Variants in SORCS3 observed in about 807,000 individuals in gnomAD.
The protein encoded by SORCS3 is sortilin related VPS10 domain containing receptor 3, also known as VPS10 domain-containing receptor SorCS3.
SORCS3 carries 57 observed loss-of-function variants against 146.3 expected under a neutral mutation model. The ratio of observed to expected loss-of-function variants is 0.39; its 90% CI spans 0.31 to 0.49. The LOEUF (loss-of-function observed/expected upper bound fraction) is 0.49. Ranked by LOEUF, SORCS3 falls within the 20% of genes least tolerant of loss-of-function variation. The pLI, the probability that SORCS3 is intolerant of heterozygous loss-of-function variation, is 0.92. For missense variants in SORCS3, 1,341 were observed against 1,575.5 expected, an observed-to-expected ratio of 0.85 and a Z score of 2.52; for synonymous variants, 653 against 618.5, an observed-to-expected ratio of 1.06 and a Z score of -0.83.
At chr10:104,711,611 C>A (rs1346467569) in intron 1 of SORCS3, among the ~76,000 whole-genome samples, 1 of 152,198 alleles carries the variant, frequency 6.6e-6, no homozygotes, top group Non-Finnish European at 1.5e-5. Flanking sequence ...CAGGGAGGAC[C>A]AGAGCTAGCT....
intron 1 of SORCS3, among the ~76,000 whole-genome samples, chr10:104,710,738 C>G (rs1408485348): frequency 6.7e-6 from 1 of 149,478 alleles, no homozygotes; most frequent in African/African-American, 2.5e-5. Flanking sequence ...ATTCTTGTGG[C>G]TCATAGGAGC....
chr10:104,752,235 C>A (rs531345243), intron 1 of SORCS3, among the ~76,000 whole-genome samples: 1 of 151,704 alleles, frequency 6.6e-6, no homozygotes, highest in Non-Finnish European at 1.5e-5. Flanking sequence ...GGGGTTTCAC[C>A]ACGTTGGCCA....
Position 105,211,227 on chromosome 10 carries a change from T to G in SORCS3, c.2352T>G (p.Gly784=). 6.2e-7 allele frequency: 1 copy of G among 1,613,990 alleles called. No individual in the cohort carries two copies. Among genetic ancestry groups the G allele is most frequent in the Non-Finnish European group, 8.5e-7 (1 of 1,179,900 alleles). Residue 784 remains glycine, a synonymous_variant, in exon 17 of 27, where the codon GGT becomes GGG. Transcript: ENST00000369701. Reference sequence around the variant, plus strand: ...CCCCATCAAAGGACTGCAGCCTTGGTCAAAGCTACCTTAACAGCACTGGGT... The same window carrying G: ...CCCCATCAAAGGACTGCAGCCTTGGGCAAAGCTACCTTAACAGCACTGGGT... ...PASPSKDCSL[G]QSYLNSTGYR...
At chr10:104,763,290 C>A (rs942678702) in intron 1 of SORCS3, among the ~76,000 whole-genome samples, 5 of 152,172 alleles carry the variant, frequency 3.3e-5, no homozygotes, top group African/African-American at 1.2e-4. Flanking sequence ...CAGTTATAGG[C>A]ACACAGCTGT....
chr10:105,143,545 AC>A (rs2056109810), intron 8 of SORCS3, among the ~76,000 whole-genome samples: 1 of 152,150 alleles, frequency 6.6e-6, no homozygotes, highest in South Asian at 2.1e-4. Flanking sequence ...AACTATGTTT[AC>A]TTATATACTC....
In SORCS3 at chr10:105,178,136, G is replaced by T; in HGVS notation, c.1972G>T (p.Ala658Ser). 6.2e-7 allele frequency: 1 copy of T among 1,613,610 alleles called. No individual in the cohort carries two copies. The highest frequency in any genetic ancestry group is 8.5e-7 in the Non-Finnish European group (1 of 1,179,768). The part of the protein sequence containing the change: ...FTSVPLFVDG[A>S]LVEAGMETHI... The stretch of plus-strand genomic sequence containing the variant: ...TTCGGTTCCTCTCTTTGTTGACGGG[G>T]CTCTGGTGGAGGCAGGAATGGAGAC... The change falls in exon 14 of 27, where the codon GCT (alanine) becomes TCT (serine). Residue 658 changes from alanine to serine, a missense_variant. Coordinates refer to ENST00000369701, the MANE Select transcript of SORCS3 (RefSeq NM_014978.3).
rs368568817 is a variant in SORCS3, at chr10:104,845,889, G to A, written c.695+3030G>A. On this transcript the variant is annotated intron_variant, in intron 2 of 26. Transcript: ENST00000369701. ...GTGAGGCTGGTCTGCGGAAGAGAATGGAGCCAGACGGGAGGCACAGGGAGC... is the reference window on the plus strand; with the variant it reads ...GTGAGGCTGGTCTGCGGAAGAGAATAGAGCCAGACGGGAGGCACAGGGAGC... Among the ~76,000 whole-genome samples, 173 of 152,272 alleles carry A rather than the reference G, an allele frequency of 1.1e-3. 1 individual carries two copies. Among genetic ancestry groups the A allele is most frequent in the African/African-American group, 3.8e-3 (156 of 41,566 alleles).
intron 1 of SORCS3, among the ~76,000 whole-genome samples, chr10:104,790,522 T>G (rs1326098506): frequency 1.3e-5 from 2 of 152,196 alleles, no homozygotes; most frequent in African/African-American, 2.4e-5. Flanking sequence ...AATATCACCT[T>G]TTCCCTGAAG....
intron 3 of SORCS3, among the ~76,000 whole-genome samples, chr10:104,950,889 A>C (rs1349187239): frequency 6.6e-6 from 1 of 152,206 alleles, no homozygotes; most frequent in Non-Finnish European, 1.5e-5. Context: ...AGTACTCTCT[A>C]ACTAAGAGGC....
intron 1 of SORCS3, among the ~76,000 whole-genome samples, chr10:104,712,423 T>A (rs915748487): frequency 1.3e-5 from 2 of 152,204 alleles, no homozygotes; most frequent in African/African-American, 4.8e-5. Flanking sequence ...TTGAGTGAAA[T>A]CAAATGATTT....
chr10:104,706,198 CTTCTTTTTTTTT>C (rs2016333983), intron 1 of SORCS3, among the ~76,000 whole-genome samples: 1 of 121,430 alleles, frequency 8.2e-6, no homozygotes, highest in African/African-American at 3.2e-5. Flanking sequence ...TTCTTTTCTT[CTTCTTTTTTTTT>C]TTTTTTTTTT....
intron 2 of SORCS3, among the ~76,000 whole-genome samples, chr10:104,885,368 T>A (rs780456631): frequency 5.3e-5 from 8 of 152,214 alleles, no homozygotes; most frequent in Non-Finnish European, 1.2e-4. Flanking sequence ...GCATACACAC[T>A]TGTGTTTCAA....
Position 104,940,238 on chromosome 10 carries a change from A to ATATATATATT in SORCS3, c.795+24307_795+24308insATATATATTT, listed in dbSNP as rs1435205868. On this transcript the variant is annotated intron_variant, in intron 3 of 26. Transcript: ENST00000369701. Reference sequence around the variant, plus strand: ...TATATATATATATATATATATATATATTTTTTTTTTTTTTTTTATTATACT... The same window carrying ATATATATATT: ...TATATATATATATATATATATATATATATATATATTTTTTTTTTTTTTTTTTTATTATACT... Among the ~76,000 whole-genome samples, 20 of 31,484 alleles carry ATATATATATT rather than the reference A, an allele frequency of 6.4e-4. No homozygotes were observed. The East Asian group carries it at 6.5e-3, about 10-fold the overall frequency. 20.7% of individuals were successfully genotyped at this position (31,484 alleles called of 152,430 possible).
At chr10:104,643,827 A>G (rs1488830859) in intron 1 of SORCS3, among the ~76,000 whole-genome samples, 1 of 151,474 alleles carries the variant, frequency 6.6e-6, no homozygotes, top group African/African-American at 2.4e-5. Flanking sequence ...GGAGGATGCA[A>G]TGTCTTTACA....
chr10:105,017,713 G>A (rs1219524475), intron 4 of SORCS3, among the ~76,000 whole-genome samples: 1 of 152,184 alleles, frequency 6.6e-6, no homozygotes, highest in Non-Finnish European at 1.5e-5. Context: ...ATCCTTGTCT[G>A]TTATGATCCA....
chr10:105,258,321 G>A (rs1421673398), intron 25 of SORCS3, among the ~76,000 whole-genome samples: 3 of 152,192 alleles, frequency 2.0e-5, no homozygotes, highest in Non-Finnish European at 4.4e-5. Context: ...ATGTCACAAA[G>A]TGAGAAAAGG....
chr10:104,751,685 C>T (rs904068629), intron 1 of SORCS3, among the ~76,000 whole-genome samples: 13 of 151,940 alleles, frequency 8.6e-5, no homozygotes, highest in Admixed American at 5.2e-4. Flanking sequence ...GGATCCCTTT[C>T]ATTCATGACA....
intron 1 of SORCS3, among the ~76,000 whole-genome samples, chr10:104,822,510 C>T (rs775015113): frequency 3.3e-5 from 5 of 152,116 alleles, no homozygotes; most frequent in Non-Finnish European, 5.9e-5. Flanking sequence ...TGAGAGAGGG[C>T]TCTTAATCAT....
chr10:104,901,887 C>T (rs573331812), intron 2 of SORCS3, among the ~76,000 whole-genome samples: 2 of 152,262 alleles, frequency 1.3e-5, no homozygotes, highest in East Asian at 3.9e-4. Context: ...AGACATTGCC[C>T]TCACTTAGGC....
Sources: allele counts gnomAD v4.1 joint callset (sites outside exome capture counted in the v4.1 genomes callset), GRCh38; gene constraint gnomAD v4.1.1; transcripts MANE v1.5; gene names NCBI Gene and HGNC (gene_info 2026-07-23, HGNC 2026-07-21).